The following ADGRF1 variants were observed in gnomAD, a reference collection of about 807,000 sequenced individuals.
ADGRF1 encodes adhesion G protein-coupled receptor F1.
In ADGRF1, 85 loss-of-function variants were observed where a neutral mutation model predicts 87.2. That is an observed-to-expected ratio of 0.97 (90% CI 0.82 to 1.17). ADGRF1 has a LOEUF of 1.17. Ranked by LOEUF, ADGRF1 falls within the 50% of genes most tolerant of loss-of-function variation. The pLI, the probability that ADGRF1 is intolerant of heterozygous loss-of-function variation, is 0.00. For missense variants in ADGRF1, 1,169 were observed against 1,077.2 expected (o/e 1.09, Z -1.19); for synonymous variants, 430 against 408.8 (o/e 1.05, Z -0.63).
chr6:47,018,292 G>T, intron 7 of ADGRF1: 1 of 852,446 alleles, frequency 1.2e-6, no homozygotes, highest in Non-Finnish European at 1.6e-6. Flanking sequence ...AATAACTCAT[G>T]AGATAAGCAG....
In ADGRF1 at chr6:47,009,823, C is replaced by T. The variant is rs1779649962; in HGVS notation, c.1612G>A (p.Asp538Asn). Residue 538 changes from aspartate (D) to asparagine (N), a missense_variant, in exon 11 of 15, where the codon GAT (aspartate) becomes AAT (asparagine). By Grantham distance (23) the Asp-to-Asn change is conservative. Transcript: ENST00000371253. ...TCGTTCCACTGCAAATGACTGAAAT[C>T]CCAAAACACACAATGAGGCTGGCTC... ...NLSQPHCVFW[D>N]FSHLQWNDAG... 3 of 1,614,040 alleles carry T rather than the reference C, an allele frequency of 1.9e-6. No homozygotes were observed. The East Asian group carries it at 6.7e-5, about 36-fold the overall frequency.
At chr6:47,012,989 G>A (rs1412969765) in intron 9 of ADGRF1, 3 of 800,446 alleles carry the variant, frequency 3.7e-6, no homozygotes, top group East Asian at 1.3e-4. Context: ...GGCCAGGCTG[G>A]TCTTGAACTC....
rs774719393 is a variant in ADGRF1 at position 47,021,971 on chromosome 6, C to T, written c.539G>A (p.Gly180Glu). 5.1e-6 allele frequency: 8 copies of T among 1,569,888 alleles called. No individual in the cohort carries two copies. Among genetic ancestry groups the T allele is most frequent in the South Asian group, 1.2e-5 (1 of 86,952 alleles). Residue 180 changes from glycine (G) to glutamate (E), a missense_variant, in exon 6 of 15, where the codon GGA (glycine) becomes GAA (glutamate). By Grantham distance (98) the Gly-to-Glu change is moderately conservative. Transcript: ENST00000371253. ...SSAIYSKYANGIEIQLKKAYE... is the reference protein window; with the variant it reads ...SSAIYSKYANEIEIQLKKAYE... Reference sequence around the variant, plus strand: ...GAAAGTGCTTACTTGAATTTCAATTCCATTTGCATATTTGGAGTATATAGC... The same window carrying T: ...GAAAGTGCTTACTTGAATTTCAATTTCATTTGCATATTTGGAGTATATAGC...
At position 47,020,362 on chromosome 6, in the gene ADGRF1, G is replaced by A. The variant is rs528800485; in HGVS notation, c.611+369C>T. The stretch of plus-strand genomic sequence containing the variant: ...ACAAAAAAAGTTAGCTGGATGTGGT[G>A]GCAGGTGTCTGTAATTCCAGCTACT... On this transcript the variant is annotated intron_variant, in intron 7 of 14. Coordinates refer to ENST00000371253, the MANE Select transcript of ADGRF1 (RefSeq NM_153840.4). 557 of 801,148 alleles carry A rather than the reference G, an allele frequency of 7.0e-4. 4 individuals are homozygous for A. The African/African-American group carries it at 7.5e-3, about 11-fold the overall frequency. 49.6% of individuals were successfully genotyped at this position (801,148 alleles called of 1,614,324 possible).
rs762203436 is a variant in ADGRF1 at position 47,027,733 on chromosome 6, T to A, written c.98A>T (p.Glu33Val). The A allele has an allele frequency of 4.0e-5, 64 of 1,600,776 alleles. No individual in the cohort carries two copies. The highest frequency in any genetic ancestry group is 5.5e-5 in the Non-Finnish European group (64 of 1,168,364). Residue 33 changes from glutamate to valine, a missense_variant, in exon 3 of 15, where the codon GAA becomes GTA. By Grantham distance (121) the Glu-to-Val change is moderately radical. Coordinates refer to ENST00000371253, the MANE Select transcript of ADGRF1 (RefSeq NM_153840.4). Reference protein sequence around the residue: ...GKNDGIKTKKELIVNKKKHLG... With the variant: ...GKNDGIKTKKVLIVNKKKHLG... ...ATGTTTTTTCTTATTCACAATGAGT[T>A]CTTTTTTTGTTTTGATGCCATCATT... is the stretch of plus-strand genomic sequence containing the variant.
chr6:47,015,729 A>C (rs1043286528), intron 8 of ADGRF1, among the ~76,000 whole-genome samples: 1 of 151,148 alleles, frequency 6.6e-6, no homozygotes, highest in Non-Finnish European at 1.5e-5. Context: ...CTGGGATTAC[A>C]GGTGTGTGCC....
At chr6:47,011,077 A>G (rs1271677006) in intron 10 of ADGRF1, among the ~76,000 whole-genome samples, 1 of 152,124 alleles carries the variant, frequency 6.6e-6, no homozygotes, top group African/African-American at 2.4e-5. Context: ...TTCTACTTCT[A>G]CTGCCCCTAG....
chr6:47,026,030 CT>C (rs1780222201), intron 3 of ADGRF1, 27 bp from the exon 4 acceptor site: 17 of 1,539,670 alleles, frequency 1.1e-5, no homozygotes, highest in Admixed American at 1.9e-5. Flanking sequence ...AGTCAGAAAC[CT>C]TTTTTTCTGT....
At position 47,025,935 on chromosome 6, in the gene ADGRF1, T is replaced by C. The variant is rs767839563; in HGVS notation, c.196A>G (p.Arg66Gly). 1 of 1,612,222 alleles carries C rather than the reference T, an allele frequency of 6.2e-7. No homozygotes were observed. Among genetic ancestry groups the C allele is most frequent in the Non-Finnish European group, 8.5e-7 (1 of 1,179,446 alleles). Residue 66 changes from arginine to glycine, a missense_variant, in exon 4 of 15, where the codon AGA becomes GGA. Arg to Gly is a moderately radical substitution (Grantham distance 125). Transcript: ENST00000371253. ...GGCTTCAAGAGCTTCAGAAAATTTC[T>C]CAAATCTCTTTTCTCCTTGGAATCT... ...YRDSKEKRDL[R>G]NFLKLLKPPL... is the part of the protein sequence containing the mutation.
At chr6:47,040,120 G>A (rs937901446) in intron 1 of ADGRF1, among the ~76,000 whole-genome samples, 3 of 152,118 alleles carry the variant, frequency 2.0e-5, no homozygotes, top group African/African-American at 4.8e-5. Flanking sequence ...TGGCAACAGC[G>A]TTTCCCCTTC....
intron 1 of ADGRF1, among the ~76,000 whole-genome samples, chr6:47,029,901 G>A (rs1045242970): frequency 6.6e-6 from 1 of 152,224 alleles, no homozygotes; most frequent in Non-Finnish European, 1.5e-5. Context: ...TCATTGCTAA[G>A]TTTTACTCCA....
intron 1 of ADGRF1, among the ~76,000 whole-genome samples, chr6:47,035,534 G>A (rs1298837053): frequency 6.6e-6 from 1 of 152,184 alleles, no homozygotes; most frequent in Non-Finnish European, 1.5e-5. Context: ...AATTGTGTAA[G>A]TTAAGTGGAA....
rs1779321868 is a variant in ADGRF1 at position 47,000,233 on chromosome 6, A to G, written c.2722T>C (p.Ser908Pro). The change falls in exon 15 of 15, where the codon TCA (serine) becomes CCA (proline). Residue 908 changes from serine to proline, a missense_variant. Transcript: ENST00000371253. ...TATGATTCCTTGCCTTATTCATTTG[A>G]GACAAACTGAGTTAGCATGATGTTG... ...SDNIMLTQFV[S>P]NE The G allele has an allele frequency of 1.2e-6, 2 of 1,608,810 alleles. No individual in the cohort carries two copies. The highest frequency in any genetic ancestry group is 1.7e-6 in the Non-Finnish European group (2 of 1,176,984).
At position 47,029,481 on chromosome 6, in the gene ADGRF1, C is replaced by T. The variant is rs375915217; in HGVS notation, c.-43-377G>A. Among the ~76,000 whole-genome samples, 131 of 152,168 alleles carry T rather than the reference C, an allele frequency of 8.6e-4. 6 individuals carry two copies. The South Asian group carries it at 0.024, about 28-fold the overall frequency. ...AGAAAAACATTAAAATAACCAAAGA[C>T]TCTGTAAACCATTAATACCAGGATA... On this transcript the variant is annotated intron_variant, in intron 1 of 14. Coordinates refer to ENST00000371253, the MANE Select transcript of ADGRF1 (RefSeq NM_153840.4).
rs77292631 is a variant in ADGRF1 at position 47,002,790 on chromosome 6, G to A, written c.2593-1223C>T. 9.9e-3 allele frequency among the ~76,000 whole-genome samples: 1,512 copies of A among 152,180 alleles called. 47 individuals carry two copies. The highest frequency in any genetic ancestry group is 0.068 in the Admixed American group (1,035 of 15,272). On this transcript the variant is annotated intron_variant, in intron 13 of 14. Coordinates refer to ENST00000371253, the MANE Select transcript of ADGRF1 (RefSeq NM_153840.4). ...GAGAACATGCCTAGGGACAATGGAG[G>A]GTCAAGACAGGGGCCTGAGCATGGA...
chr6:47,037,365 G>A (rs1780615932), intron 1 of ADGRF1, among the ~76,000 whole-genome samples: 1 of 152,008 alleles, frequency 6.6e-6, no homozygotes, highest in Non-Finnish European at 1.5e-5. Flanking sequence ...TTTTGTCTTT[G>A]TCGCTCCTGT....
At chr6:47,033,775 G>C (rs114149496) in intron 1 of ADGRF1, among the ~76,000 whole-genome samples, 1,565 of 152,362 alleles carry the variant, frequency 0.01, 32 homozygotes, top group African/African-American at 0.035. Context: ...TCTAGGAAGT[G>C]TTGGGCCACT....
chr6:47,012,295 G>A, intron 9 of ADGRF1, 100 bp from the exon 10 acceptor site: 2 of 1,531,788 alleles, frequency 1.3e-6, no homozygotes, highest in Non-Finnish European at 1.8e-6. Context: ...CATTTGTATG[G>A]TGTGTTCTAA....
At position 47,000,130 on chromosome 6, in the gene ADGRF1, G is replaced by A. The variant is rs1779319382; in HGVS notation, c.*92C>T. ...CCCAGACCCCTAAATCAGAAAACCC[G>A]ATCGAATACTGAGCATAATTTCTTC... On this transcript the variant is annotated 3_prime_UTR_variant, in exon 15 of 15. Transcript: ENST00000371253. 17 of 947,590 alleles carry A rather than the reference G, an allele frequency of 1.8e-5. No homozygotes were observed. Among genetic ancestry groups the A allele is most frequent in the Admixed American group, 9.1e-5 (5 of 54,750 alleles). 58.7% of individuals were successfully genotyped at this position (947,590 alleles called of 1,614,324 possible).
Sources: gnomAD v4.1 joint callset for allele counts (sites outside exome capture counted in the v4.1 genomes callset) on GRCh38, gnomAD v4.1.1 for gene constraint, MANE v1.5 for transcripts, NCBI Gene and HGNC (gene_info 2026-07-23, HGNC 2026-07-21) for gene names.